Variants in PCDH7 observed in about 807,000 individuals in gnomAD.
PCDH7 encodes the protein protocadherin 7.
In PCDH7, 17 loss-of-function variants were observed where a neutral mutation model predicts 58.9. That is an observed-to-expected ratio of 0.29 (90% CI 0.20 to 0.43). PCDH7 has a LOEUF of 0.43. Among genes scored for constraint, PCDH7 ranks in the 20% least tolerant of loss-of-function variants. The pLI, the probability that PCDH7 is intolerant of heterozygous loss-of-function variation, is 1.00. For synonymous variants in PCDH7, 664 were observed against 616.4 expected, an observed-to-expected ratio of 1.08 and a Z score of -1.14; for missense variants, 1,274 against 1,441.0, an observed-to-expected ratio of 0.88 and a Z score of 1.88.
intron 3 of PCDH7, among the ~76,000 whole-genome samples, chr4:31,061,965 T>A (rs1279484557): frequency 6.6e-6 from 1 of 151,734 alleles, no homozygotes; most frequent in Admixed American, 6.6e-5. Context: ...GGAAACACTC[T>A]ACTTTATGAT....
intron 3 of PCDH7, among the ~76,000 whole-genome samples, chr4:31,062,585 C>T (rs183721875): frequency 6.6e-6 from 1 of 151,866 alleles, no homozygotes; most frequent in Admixed American, 6.6e-5. Context: ...CAACTGATTT[C>T]ATAAACTTAG....
At chr4:31,011,722 T>A (rs1273116033) in intron 3 of PCDH7, among the ~76,000 whole-genome samples, 1 of 152,028 alleles carries the variant, frequency 6.6e-6, no homozygotes, top group Non-Finnish European at 1.5e-5. Context: ...ACCTATCTAA[T>A]CACTACCATA....
chr4:31,017,495 G>T (rs1753710963), intron 3 of PCDH7, among the ~76,000 whole-genome samples: 2 of 152,090 alleles, frequency 1.3e-5, no homozygotes, highest in Admixed American at 1.3e-4. Flanking sequence ...TTGACTGAAT[G>T]AAGATATCCA....
At chr4:31,139,203 C>T (rs190453644) in intron 3 of PCDH7, among the ~76,000 whole-genome samples, 371 of 152,032 alleles carry the variant, frequency 2.4e-3, no homozygotes, top group African/African-American at 7.6e-3. Flanking sequence ...ATGGGGTATG[C>T]GGGCGTTGAG....
In PCDH7 at chr4:30,995,424, C is replaced by G. The variant is rs1023709780; in HGVS notation, c.*7+45209C>G. Among the ~76,000 whole-genome samples the G allele has an allele frequency of 3.3e-5, 5 of 151,918 alleles. No individual in the cohort carries two copies. In the East Asian group the frequency reaches 9.7e-4, roughly 30 times the overall value. On this transcript the variant is annotated intron_variant, in intron 3 of 3. Coordinates refer to the PCDH7 transcript ENST00000509759. ...CTACTCGGGAGGCTCACGCAGGAGA[C>G]TGGTGTGAACCCGAGAGGTGGAGCT...
chr4:31,142,741 T>C, exon 4 of PCDH7: 1 of 1,367,576 alleles, frequency 7.3e-7, no homozygotes, highest in Non-Finnish European at 9.8e-7. Context: ...GTGCAGCTAG[T>C]TTCAGCAAAA....
At chr4:30,863,388 T>C (rs1734462264) in intron 1 of PCDH7, among the ~76,000 whole-genome samples, 1 of 152,040 alleles carries the variant, frequency 6.6e-6, no homozygotes, top group Admixed American at 6.6e-5. Context: ...ACATGGAGGG[T>C]GGCATCTAGT....
At chr4:30,842,660 A>C (rs1328473688) in intron 1 of PCDH7, among the ~76,000 whole-genome samples, 1 of 152,130 alleles carries the variant, frequency 6.6e-6, no homozygotes, top group Non-Finnish European at 1.5e-5. Context: ...TTGGAATGTG[A>C]ACAGGTGGGG....
rs527485611 is a variant in PCDH7, at chr4:30,722,122, G to A, written c.700G>A (p.Gly234Ser). ...GCTGGACGCATCAGAGGGCGGCGGC[G>A]GCACCAACCCCGGCGGCCGCAGCAG... Residue 234 changes from glycine to serine, a missense_variant, in exon 1 of 2, where the codon GGC (glycine) becomes AGC (serine). Physicochemically the swap from Gly to Ser is moderately conservative, Grantham distance 56. Around this residue, in one of 3 missense-constraint regions of PCDH7, gnomAD observed 331 missense variants for 303.2 expected, o/e 1.09. Transcript: ENST00000361762. The surrounding 1 kb of genome is among the most constrained non-coding windows in gnomAD (Gnocchi z 7.6). 1.8e-3 allele frequency: 2,617 copies of A among 1,425,084 alleles called. 2 individuals are homozygous for A. The highest frequency in any genetic ancestry group is 2.3e-3 in the Non-Finnish European group (2,475 of 1,095,508). The allele number at this position is 1,425,084 out of a possible 1,614,324, so 88.3% of individuals were successfully genotyped here. A position where few individuals can be genotyped will look rare whatever the true frequency, so the allele number is the denominator to read the frequency against.
intron 1 of PCDH7, among the ~76,000 whole-genome samples, chr4:30,886,126 T>C (rs1389622264): frequency 1.3e-3 from 191 of 150,938 alleles, no homozygotes; most frequent in African/African-American, 4.5e-3. Context: ...ACAAATGGGA[T>C]CTAATTAAAC....
chr4:31,067,560 G>T (rs1560617755), intron 3 of PCDH7, among the ~76,000 whole-genome samples: 1 of 151,692 alleles, frequency 6.6e-6, no homozygotes, highest in Admixed American at 6.6e-5. Context: ...GTATTAGCAG[G>T]AGGAACACAA....
intron 2 of PCDH7, among the ~76,000 whole-genome samples, chr4:30,935,108 C>CTTTACTATATTTAGTGAAGTA (rs1745182102): frequency 6.6e-6 from 1 of 151,976 alleles, no homozygotes; most frequent in East Asian, 1.9e-4. Flanking sequence ...TGAAGTATTA[C>CTTTACTATATTTAGTGAAGTA]TTTACTATAT....
At chr4:30,738,943 G>A (rs141234250) in intron 1 of PCDH7, among the ~76,000 whole-genome samples, 7 of 151,854 alleles carry the variant, frequency 4.6e-5, no homozygotes, top group Non-Finnish European at 8.8e-5. Flanking sequence ...CTGGTACCAC[G>A]CTCTGAGTGA....
At chr4:31,128,195 C>A (rs1434438249) in intron 3 of PCDH7, among the ~76,000 whole-genome samples, 1 of 151,674 alleles carries the variant, frequency 6.6e-6, no homozygotes, top group African/African-American at 2.4e-5. Context: ...GAAACAAAAT[C>A]TTCTTTAAGT....
chr4:30,851,806 A>G (rs1732790869), intron 1 of PCDH7, among the ~76,000 whole-genome samples: 1 of 152,044 alleles, frequency 6.6e-6, no homozygotes, highest in Non-Finnish European at 1.5e-5. Context: ...CAAGATGGTA[A>G]ACTCGATGGA....
chr4:31,096,340 T>C (rs13111595), intron 3 of PCDH7, among the ~76,000 whole-genome samples: 9,975 of 152,064 alleles, frequency 0.066, 895 homozygotes, highest in East Asian at 0.45. Flanking sequence ...TGGTCAAACA[T>C]GCATGAAAAT....
intron 3 of PCDH7, among the ~76,000 whole-genome samples, chr4:30,968,543 A>C (rs1749258547): frequency 6.6e-6 from 1 of 151,490 alleles, no homozygotes; most frequent in Non-Finnish European, 1.5e-5. Flanking sequence ...CCTGAACTCC[A>C]TGCTTCTCAT....
At chr4:30,976,676 G>C (rs939760786) in intron 3 of PCDH7, among the ~76,000 whole-genome samples, 2 of 152,088 alleles carry the variant, frequency 1.3e-5, no homozygotes, top group Non-Finnish European at 2.9e-5. Context: ...TAGGATTACA[G>C]GGGTGAGCCA....
chr4:31,002,716 T>G (rs1752450003), intron 3 of PCDH7, among the ~76,000 whole-genome samples: 1 of 152,226 alleles, frequency 6.6e-6, no homozygotes. Flanking sequence ...GCTTGAGGTA[T>G]TCTAAGTTCA....
Sources: gnomAD v4.1 joint callset for allele counts (sites outside exome capture counted in the v4.1 genomes callset) on GRCh38, gnomAD v4.1.1 for gene constraint, gnomAD v4.1.1 regional missense constraint, Gnocchi (gnomAD v3.1) non-coding constraint, MANE v1.5 for transcripts, NCBI Gene and HGNC (gene_info 2026-07-23, HGNC 2026-07-21) for gene names.